The following SLC31A1 variants were observed in gnomAD, a reference collection of about 807,000 sequenced individuals.
SLC31A1 encodes solute carrier family 31 member 1.
Under a neutral mutation model 17.2 loss-of-function variants are expected in SLC31A1, and 5 were observed. The ratio of observed to expected loss-of-function variants is 0.29; its 90% CI spans 0.15 to 0.61. The LOEUF is 0.61. Among genes scored for constraint, SLC31A1 ranks in the 20% least tolerant of loss-of-function variants. The pLI, the probability that SLC31A1 is intolerant of heterozygous loss-of-function variation, is 0.86. For synonymous variants in SLC31A1, 76 were observed against 78.8 expected, an observed-to-expected ratio of 0.96 and a Z score of 0.19; for missense variants, 161 against 241.4, an observed-to-expected ratio of 0.67 and a Z score of 2.21.
rs1831783245 is a variant in SLC31A1 at position 113,260,679 on chromosome 9, C to G, written c.*206C>G. The stretch of plus-strand genomic sequence containing the variant: ...GTAGTAACCTCCCAAATTGTTTTTT[C>G]TAATAAGCTGAGATTCCCATTTCTC... On this transcript the variant is annotated 3_prime_UTR_variant, in exon 5 of 5. Coordinates refer to ENST00000374212, the MANE Select transcript of SLC31A1 (RefSeq NM_001859.4). 1 of 602,004 alleles carries G rather than the reference C, an allele frequency of 1.7e-6. No individual in the cohort carries two copies. Among genetic ancestry groups the G allele is most frequent in the Non-Finnish European group, 3.0e-6 (1 of 331,432 alleles). The allele number at this position is 602,004 out of a possible 1,614,324, so 37.3% of individuals were successfully genotyped here.
rs574931672 is a variant in SLC31A1, at chr9:113,236,689, T to C, written c.-36+15011T>C. ...CACTGAAACTATTCTTATATGTACC[T>C]AAACTTTTCAGACCGAAATAGGCTC... On this transcript the variant is annotated intron_variant, in intron 1 of 4. Transcript: ENST00000374212. 1.6e-3 allele frequency among the ~76,000 whole-genome samples: 249 copies of C among 152,318 alleles called. 1 individual carries two copies. The highest frequency in any genetic ancestry group is 5.5e-3 in the African/African-American group (229 of 41,566).
intron 1 of SLC31A1, among the ~76,000 whole-genome samples, chr9:113,243,340 G>A (rs1167196350): frequency 1.3e-5 from 2 of 152,132 alleles, no homozygotes; most frequent in Non-Finnish European, 1.5e-5. Flanking sequence ...TAAAAATTGA[G>A]TTTGACTTTA....
At chr9:113,243,094 G>A (rs959780240) in intron 1 of SLC31A1, among the ~76,000 whole-genome samples, 1 of 150,038 alleles carries the variant, frequency 6.7e-6, no homozygotes, top group African/African-American at 2.4e-5. Context: ...TTTTGTTTAA[G>A]TTTTAGCTCT....
chr9:113,259,999 T>A (rs1416537633), intron 4 of SLC31A1, among the ~76,000 whole-genome samples: 1 of 152,042 alleles, frequency 6.6e-6, no homozygotes, highest in Non-Finnish European at 1.5e-5. Context: ...AAGGTGGAGG[T>A]AAGTCGGGAT....
In SLC31A1 at chr9:113,256,140, C is replaced by T. The variant is rs986506527; in HGVS notation, c.-9C>T. ...ATCTTCTGCTGACTCTCAACTTTTC[C>T]TGGAAAAAATGGATCATTCCCACCA... On this transcript the variant is annotated 5_prime_UTR_variant, in exon 2 of 5. Coordinates refer to ENST00000374212, the MANE Select transcript of SLC31A1 (RefSeq NM_001859.4). The T allele has an allele frequency of 6.2e-7, 1 of 1,611,752 alleles. No homozygotes were observed. The highest frequency in any genetic ancestry group is 8.5e-7 in the Non-Finnish European group (1 of 1,179,778).
intron 1 of SLC31A1, among the ~76,000 whole-genome samples, chr9:113,251,434 A>G (rs1414206145): frequency 1.3e-5 from 2 of 152,078 alleles, no homozygotes; most frequent in Admixed American, 1.3e-4. Flanking sequence ...AAAATAAAAA[A>G]TAAAAAATAA....
At chr9:113,224,349 G>T (rs1831317886) in intron 1 of SLC31A1, among the ~76,000 whole-genome samples, 1 of 152,026 alleles carries the variant, frequency 6.6e-6, no homozygotes, top group South Asian at 2.1e-4. Context: ...AATCTTTCTA[G>T]GTGTTTATGA....
chr9:113,251,707 A>G (rs1831656165), intron 1 of SLC31A1, among the ~76,000 whole-genome samples: 1 of 152,224 alleles, frequency 6.6e-6, no homozygotes, highest in Non-Finnish European at 1.5e-5. Flanking sequence ...AGAAAAAAAT[A>G]TAATCACTTT....
chr9:113,230,584 T>A (rs1206380384), intron 1 of SLC31A1, among the ~76,000 whole-genome samples: 2 of 152,196 alleles, frequency 1.3e-5, no homozygotes, highest in Non-Finnish European at 2.9e-5. Context: ...TAATACATAA[T>A]AATTGTACAT....
intron 1 of SLC31A1, among the ~76,000 whole-genome samples, chr9:113,244,096 A>G (rs550347760): frequency 9.2e-5 from 13 of 141,736 alleles, no homozygotes; most frequent in Admixed American, 1.5e-4. Context: ...CGGAGCTTTC[A>G]GTGAGCCGAG....
chr9:113,237,420 C>T (rs1337333071), intron 1 of SLC31A1, among the ~76,000 whole-genome samples: 1 of 152,042 alleles, frequency 6.6e-6, no homozygotes, highest in Non-Finnish European at 1.5e-5. Context: ...AGGAATAGGT[C>T]TACGTTTTTT....
intron 2 of SLC31A1, 41 bp downstream of exon 2, chr9:113,256,318 C>A: frequency 6.2e-7 from 1 of 1,608,682 alleles, no homozygotes; most frequent in Non-Finnish European, 8.5e-7. Context: ...CTTTCCCACC[C>A]ACTTGGGTAA....
chr9:113,229,463 T>C (rs1440385918), intron 1 of SLC31A1, among the ~76,000 whole-genome samples: 3 of 152,236 alleles, frequency 2.0e-5, no homozygotes, highest in African/African-American at 7.2e-5. Flanking sequence ...TCATTCTATA[T>C]CAATATATAT....
At chr9:113,223,568 T>C (rs1337346240) in intron 1 of SLC31A1, among the ~76,000 whole-genome samples, 1 of 152,206 alleles carries the variant, frequency 6.6e-6, no homozygotes, top group African/African-American at 2.4e-5. Flanking sequence ...AAAGTAAGCA[T>C]TTTTGTTTAT....
chr9:113,245,461 G>T (rs1831565900), intron 1 of SLC31A1, among the ~76,000 whole-genome samples: 1 of 152,094 alleles, frequency 6.6e-6, no homozygotes, highest in Non-Finnish European at 1.5e-5. Flanking sequence ...GCCTCTGTCA[G>T]TTAATTTGGA....
chr9:113,248,332 A>C (rs905952185), intron 1 of SLC31A1, among the ~76,000 whole-genome samples: 6 of 152,072 alleles, frequency 3.9e-5, no homozygotes, highest in Admixed American at 2.0e-4. Flanking sequence ...AAAACAAACA[A>C]ACAAACAAAC....
At chr9:113,240,965 G>A (rs1454300070) in intron 1 of SLC31A1, among the ~76,000 whole-genome samples, 1 of 150,820 alleles carries the variant, frequency 6.6e-6, no homozygotes, top group Non-Finnish European at 1.5e-5. Flanking sequence ...CAGGAGAATC[G>A]CTTGAACCCA....
At chr9:113,225,687 A>G (rs370188737) in intron 1 of SLC31A1, among the ~76,000 whole-genome samples, 103 of 152,362 alleles carry the variant, frequency 6.8e-4, no homozygotes, top group Admixed American at 3.8e-3. Flanking sequence ...TACCATACTC[A>G]TAAGAGTCTT....
chr9:113,242,071 C>T (rs1457292769), intron 1 of SLC31A1, among the ~76,000 whole-genome samples: 1 of 152,168 alleles, frequency 6.6e-6, no homozygotes, highest in African/African-American at 2.4e-5. Flanking sequence ...CGCCTGTAGT[C>T]CCAGCTACTT....
Sources: allele counts gnomAD v4.1 joint callset (sites outside exome capture counted in the v4.1 genomes callset), GRCh38; gene constraint gnomAD v4.1.1; transcripts MANE v1.5; gene names NCBI Gene and HGNC (gene_info 2026-07-23, HGNC 2026-07-21).